Variants in FBXL5 observed in about 807,000 individuals in gnomAD.
The protein encoded by FBXL5 is F-box and leucine rich repeat protein 5.
In FBXL5, 26 loss-of-function variants were observed where a neutral mutation model predicts 78.3. The observed-to-expected ratio is 0.33, with a 90% CI of 0.24 to 0.46. The LOEUF is 0.46. Among genes scored for constraint, FBXL5 ranks in the 20% least tolerant of loss-of-function variants. FBXL5 has a pLI of 1.00. For missense variants in FBXL5, 710 were observed against 829.2 expected, an observed-to-expected ratio of 0.86 and a Z score of 1.77; for synonymous variants, 295 against 282.5, an observed-to-expected ratio of 1.04 and a Z score of -0.45.
In FBXL5 at chr4:15,638,502, T is replaced by A; in HGVS notation, c.583+6A>T. 1 of 1,569,042 alleles carries A rather than the reference T, an allele frequency of 6.4e-7. No individual in the cohort carries two copies. Among genetic ancestry groups the A allele is most frequent in the Non-Finnish European group, 8.6e-7 (1 of 1,165,818 alleles). On this transcript the variant is annotated splice_donor_region_variant and intron_variant, in intron 4 of 10. Coordinates refer to ENST00000341285, the MANE Select transcript of FBXL5 (RefSeq NM_012161.4). ...ATAAATTGTTCTTTATATATATGAA[T>A]CTCACCTTTATCTGACTTTTCATCC... is the stretch of plus-strand genomic sequence containing the variant.
chr4:15,623,021 A>G (rs1712641717), intron 9 of FBXL5, among the ~76,000 whole-genome samples: 1 of 152,220 alleles, frequency 6.6e-6, no homozygotes, highest in South Asian at 2.1e-4. Context: ...TTGTTAATGA[A>G]GTGCCAAAAA....
chr4:15,655,374 C>T, upstream of FBXL5: 2 of 1,101,198 alleles, frequency 1.8e-6, no homozygotes, highest in South Asian at 3.2e-5. Context: ...GGCGCGCCCC[C>T]TTGCGCATGC....
intron 6 of FBXL5, among the ~76,000 whole-genome samples, chr4:15,629,159 A>G (rs991495155): frequency 1.3e-5 from 2 of 152,138 alleles, no homozygotes; most frequent in Non-Finnish European, 2.9e-5. Context: ...AGTCTTTAAT[A>G]ATCAACAGAT....
chr4:15,627,856 T>C, intron 7 of FBXL5, 29 bp downstream of exon 7: 2 of 1,586,168 alleles, frequency 1.3e-6, no homozygotes, highest in African/African-American at 1.4e-5. Flanking sequence ...TTTTTCTTAA[T>C]ACCCAAACTA....
intron 5 of FBXL5, among the ~76,000 whole-genome samples, chr4:15,635,552 G>C (rs1296355729): frequency 2.0e-5 from 3 of 151,570 alleles, no homozygotes; most frequent in African/African-American, 7.3e-5. Flanking sequence ...TCAGGAATTC[G>C]AGACCAGCCT....
upstream of FBXL5, among the ~76,000 whole-genome samples, chr4:15,663,320 T>G (rs1334297190): frequency 6.6e-6 from 1 of 152,228 alleles, no homozygotes; most frequent in Non-Finnish European, 1.5e-5. Context: ...ATCTTTATTA[T>G]TAGACACCTA....
chr4:15,616,263 C>T (rs1711857725), intron 9 of FBXL5, among the ~76,000 whole-genome samples: 2 of 152,238 alleles, frequency 1.3e-5, no homozygotes, highest in African/African-American at 4.8e-5. Context: ...AGACCAAGAA[C>T]CCACCAATTC....
At chr4:15,617,998 G>C (rs1471829334) in intron 9 of FBXL5, among the ~76,000 whole-genome samples, 1 of 152,072 alleles carries the variant, frequency 6.6e-6, no homozygotes, top group African/African-American at 2.4e-5. Flanking sequence ...AAAGGAATTA[G>C]AAAAAGGAAA....
At chr4:15,611,252 A>G (rs1035427444) in intron 10 of FBXL5, among the ~76,000 whole-genome samples, 1 of 152,138 alleles carries the variant, frequency 6.6e-6, no homozygotes, top group Non-Finnish European at 1.5e-5. Flanking sequence ...TTCCTCTTAT[A>G]TATTTTAAGG....
intron 4 of FBXL5, among the ~76,000 whole-genome samples, chr4:15,637,264 T>C (rs1225309596): frequency 1.3e-5 from 2 of 152,230 alleles, no homozygotes. Flanking sequence ...AAAATGTAGA[T>C]ATTTCTGATG....
At chr4:15,656,194 A>G (rs1367768783), upstream of FBXL5, 4 of 456,108 alleles carry the variant, frequency 8.8e-6, no homozygotes, top group African/African-American at 6.0e-5. Flanking sequence ...CCGCCATTTT[A>G]AGCGGAGGTT....
chr4:15,640,555 T>C (rs1339189820), intron 3 of FBXL5, among the ~76,000 whole-genome samples: 1 of 152,046 alleles, frequency 6.6e-6, no homozygotes, highest in Non-Finnish European at 1.5e-5. Context: ...AAATTAATAT[T>C]TCCTGAGTAA....
At chr4:15,657,229 C>T (rs1717031772), upstream of FBXL5, among the ~76,000 whole-genome samples, 1 of 152,122 alleles carries the variant, frequency 6.6e-6, no homozygotes, top group Admixed American at 6.6e-5. Context: ...CAGAATCAGA[C>T]CTCAGGTGAA....
At chr4:15,624,253 C>T (rs1393575289) in intron 9 of FBXL5, among the ~76,000 whole-genome samples, 2 of 152,128 alleles carry the variant, frequency 1.3e-5, no homozygotes, top group African/African-American at 2.4e-5. Flanking sequence ...TTTCCAAAGG[C>T]TCATGTCAAA....
At chr4:15,617,387 CAAA>C (rs113588464) in intron 9 of FBXL5, among the ~76,000 whole-genome samples, 2 of 143,248 alleles carry the variant, frequency 1.4e-5, no homozygotes, top group Non-Finnish European at 3.1e-5. Context: ...ACTAAAAATA[CAAA>C]AAAAAAAATT....
chr4:15,674,235 A>G (rs778567922), intron 1 of FBXL5, among the ~76,000 whole-genome samples: 3 of 148,522 alleles, frequency 2.0e-5, no homozygotes, highest in East Asian at 1.9e-4. Flanking sequence ...CTCTAGCCCT[A>G]TGTCATAATG....
At chr4:15,606,727 T>A (rs773834549) in intron 10 of FBXL5, among the ~76,000 whole-genome samples, 6 of 152,202 alleles carry the variant, frequency 3.9e-5, no homozygotes, top group Non-Finnish European at 8.8e-5. Flanking sequence ...TACTTGCAAT[T>A]GTGATATAAG....
intron 4 of FBXL5, among the ~76,000 whole-genome samples, chr4:15,636,987 A>T (rs1714348672): frequency 6.6e-6 from 1 of 152,356 alleles, no homozygotes; most frequent in Middle Eastern, 3.4e-3. Flanking sequence ...ATTAAGCAGC[A>T]TCACTTGAAA....
At chr4:15,651,785 C>G (rs1716093260) in intron 1 of FBXL5, among the ~76,000 whole-genome samples, 1 of 152,140 alleles carries the variant, frequency 6.6e-6, no homozygotes, top group African/African-American at 2.4e-5. Flanking sequence ...TTTGGGCACA[C>G]CTTAAGGCCT....
Sources: gnomAD v4.1 joint callset for allele counts (sites outside exome capture counted in the v4.1 genomes callset) on GRCh38, gnomAD v4.1.1 for gene constraint, MANE v1.5 for transcripts, NCBI Gene and HGNC (gene_info 2026-07-23, HGNC 2026-07-21) for gene names.